CDH13: variants seen among roughly 807,000 people sequenced by gnomAD.
CDH13 encodes the protein cadherin 13.
A neutral mutation model predicts 63.8 loss-of-function variants in CDH13; 24 were observed. That is an observed-to-expected ratio of 0.38 (90% confidence interval 0.27 to 0.53). The LOEUF is 0.53. Among genes scored for constraint, CDH13 ranks in the 20% least tolerant of loss-of-function variants. The pLI, the probability that CDH13 is intolerant of heterozygous loss-of-function variation, is 0.85. For synonymous variants in CDH13, 503 were observed against 355.3 expected (o/e 1.42, Z -4.67); for missense variants, 1,049 against 903.1 (o/e 1.16, Z -2.07).
intron 4 of CDH13, among the ~76,000 whole-genome samples, chr16:83,200,921 A>AT: frequency 7.7e-6 from 1 of 129,752 alleles, no homozygotes; most frequent in Non-Finnish European, 1.7e-5. Context: ...AGTCTTAAAA[A>AT]TGTGTGTGTG....
At chr16:82,797,118 A>T (rs957711435) in intron 1 of CDH13, among the ~76,000 whole-genome samples, 1 of 152,226 alleles carries the variant, frequency 6.6e-6, no homozygotes, top group Non-Finnish European at 1.5e-5. Flanking sequence ...TCTAGATGAA[A>T]TGAGGTTCTA....
At chr16:83,496,873 A>G (rs973434427) in intron 7 of CDH13, among the ~76,000 whole-genome samples, 3 of 152,216 alleles carry the variant, frequency 2.0e-5, no homozygotes, top group African/African-American at 7.2e-5. Flanking sequence ...CACTTCTCAA[A>G]AGAAGACGTT....
chr16:83,708,910 G>A (rs1010031362), intron 10 of CDH13, among the ~76,000 whole-genome samples: 2 of 152,166 alleles, frequency 1.3e-5, no homozygotes, highest in African/African-American at 4.8e-5. Context: ...TGTAGTTTCT[G>A]CTACTCAGGA....
chr16:83,242,739 C>T (rs1278052929), intron 5 of CDH13, among the ~76,000 whole-genome samples: 2 of 152,060 alleles, frequency 1.3e-5, no homozygotes, highest in African/African-American at 2.4e-5. Context: ...TCTTGGAGAC[C>T]GATGTTGGGG....
intron 4 of CDH13, among the ~76,000 whole-genome samples, chr16:83,212,484 G>A (rs1412945079): frequency 2.0e-5 from 3 of 152,284 alleles, no homozygotes; most frequent in East Asian, 1.9e-4. Flanking sequence ...TTTAACACAC[G>A]TAGAGATGTT....
chr16:83,510,741 G>T (rs2074537848), intron 7 of CDH13, among the ~76,000 whole-genome samples: 1 of 152,076 alleles, frequency 6.6e-6, no homozygotes, highest in African/African-American at 2.4e-5. Flanking sequence ...AGCCAAAGGG[G>T]GTTTGGGTTT....
At chr16:83,744,904 G>A (rs1912423926) in intron 10 of CDH13, among the ~76,000 whole-genome samples, 1 of 152,202 alleles carries the variant, frequency 6.6e-6, no homozygotes, top group South Asian at 2.1e-4. Context: ...CTGGCAATGT[G>A]AACGGCTGGG....
At chr16:83,340,184 G>C (rs2090690010) in intron 5 of CDH13, among the ~76,000 whole-genome samples, 1 of 152,158 alleles carries the variant, frequency 6.6e-6, no homozygotes, top group Non-Finnish European at 1.5e-5. Context: ...TAAGCATTCA[G>C]CATGCACAGT....
At chr16:82,931,642 G>T (rs985845415) in intron 2 of CDH13, among the ~76,000 whole-genome samples, 5 of 152,040 alleles carry the variant, frequency 3.3e-5, no homozygotes, top group Non-Finnish European at 7.4e-5. Flanking sequence ...TGGACTCACA[G>T]TTCCATGTGG....
rs143965793 is a variant in CDH13 at position 83,484,057 on chromosome 16, G to A, written c.782-2420G>A. Among the ~76,000 whole-genome samples the A allele has an allele frequency of 8.6e-4, 131 of 152,298 alleles. 3 individuals are homozygous for A. The East Asian group carries it at 0.019, about 22-fold the overall frequency. ...GAAGTGCACCTTGAAGCATGTGGCC[G>A]GATGGCACCATTGGTGAAAATAGCT... On this transcript the variant is annotated intron_variant, in intron 6 of 13. Coordinates refer to ENST00000567109, the MANE Select transcript of CDH13 (RefSeq NM_001257.5).
chr16:83,694,768 A>G (rs1286914545), intron 10 of CDH13, among the ~76,000 whole-genome samples: 1 of 152,150 alleles, frequency 6.6e-6, no homozygotes. Flanking sequence ...GGGCAAGAGA[A>G]GGCACTCTGC....
intron 6 of CDH13, among the ~76,000 whole-genome samples, chr16:83,434,244 A>T (rs956137589): frequency 2.6e-5 from 4 of 152,188 alleles, no homozygotes; most frequent in African/African-American, 9.7e-5. Flanking sequence ...GGGCCAGGTC[A>T]TGGTACAACA....
intron 6 of CDH13, among the ~76,000 whole-genome samples, chr16:83,443,719 AAAAAAAAAAAAAAAAAATAT>A (rs1374153805): frequency 0.043 from 3,857 of 89,312 alleles, 61 homozygotes; most frequent in South Asian, 0.066. Context: ...AAAAAAAAAA[AAAAAAAAAAAAAAAAAATAT>A]ATATATATAT....
chr16:83,427,137 A>G (rs974197007), intron 6 of CDH13, among the ~76,000 whole-genome samples: 1 of 151,714 alleles, frequency 6.6e-6, no homozygotes, highest in African/African-American at 2.4e-5. Flanking sequence ...CGTGGTCTCT[A>G]TCTTCTGACC....
At chr16:83,523,673 G>A (rs1391445319) in intron 7 of CDH13, among the ~76,000 whole-genome samples, 1 of 152,232 alleles carries the variant, frequency 6.6e-6, no homozygotes, top group South Asian at 2.1e-4. Context: ...AGCTGGCTTG[G>A]GCTCTTCCTA....
At chr16:83,636,883 T>A (rs1479554971) in intron 8 of CDH13, among the ~76,000 whole-genome samples, 1 of 152,240 alleles carries the variant, frequency 6.6e-6, no homozygotes, top group African/African-American at 2.4e-5. Context: ...ACCAGCAGCA[T>A]ATATGTGTTC....
At chr16:83,188,832 T>G (rs561772980) in intron 4 of CDH13, among the ~76,000 whole-genome samples, 2 of 152,372 alleles carry the variant, frequency 1.3e-5, no homozygotes, top group African/African-American at 4.8e-5. Flanking sequence ...CTTCTTCAGC[T>G]GCTTGTCGCC....
At chr16:83,558,631 CT>C (rs11287486) in intron 7 of CDH13, among the ~76,000 whole-genome samples, 15,725 of 152,074 alleles carry the variant, frequency 0.1, 1,229 homozygotes, top group African/African-American at 0.21. Flanking sequence ...GCAAGTGGAA[CT>C]TTTTTTCCCT....
intron 2 of CDH13, among the ~76,000 whole-genome samples, chr16:82,902,497 T>A (rs2041504263): frequency 6.6e-6 from 1 of 152,088 alleles, no homozygotes; most frequent in East Asian, 1.9e-4. Context: ...GTGCCACAGC[T>A]CAGCACACTC....
Sources: gnomAD v4.1 joint callset for allele counts (sites outside exome capture counted in the v4.1 genomes callset) on GRCh38, gnomAD v4.1.1 for gene constraint, MANE v1.5 for transcripts, NCBI Gene and HGNC (gene_info 2026-07-23, HGNC 2026-07-21) for gene names.